The following PPP2R5C variants were observed in gnomAD, a reference collection of about 807,000 sequenced individuals.
The protein encoded by PPP2R5C is protein phosphatase 2 regulatory subunit B'gamma, also known as serine/threonine-protein phosphatase 2A 56 kDa regulatory subunit gamma isoform.
Under a neutral mutation model 68.9 loss-of-function variants are expected in PPP2R5C, and 7 were observed. That is an observed-to-expected ratio of 0.10 (90% CI 0.06 to 0.19). The LOEUF is 0.19. PPP2R5C is among the 10% of genes least tolerant of loss of function. PPP2R5C has a pLI of 1.00. For synonymous variants in PPP2R5C, 210 were observed against 222.2 expected, an observed-to-expected ratio of 0.95 and a Z score of 0.49; for missense variants, 348 against 641.3, an observed-to-expected ratio of 0.54 and a Z score of 4.94.
intron 2 of PPP2R5C, among the ~76,000 whole-genome samples, chr14:101,764,037 G>A (rs1047309859): frequency 3.0e-4 from 45 of 151,930 alleles, no homozygotes; most frequent in Non-Finnish European, 6.2e-4. Context: ...GTGGGCGCGC[G>A]CACTTGCGCG....
intron 1 of PPP2R5C, 93 bp from the exon 4 acceptor site, chr14:101,856,593 C>T: frequency 8.3e-7 from 1 of 1,201,648 alleles, no homozygotes; most frequent in Non-Finnish European, 1.2e-6. Flanking sequence ...AATCTCTATT[C>T]AAAATAAAAA....
At chr14:101,778,249 C>G (rs1470202970) in intron 2 of PPP2R5C, among the ~76,000 whole-genome samples, 2 of 152,086 alleles carry the variant, frequency 1.3e-5, no homozygotes, top group Non-Finnish European at 2.9e-5. Flanking sequence ...AAGTCCTTTG[C>G]CCATTTTTTA....
chr14:101,824,414 G>GA (rs544671924), intron 1 of PPP2R5C: 190 of 194,364 alleles, frequency 9.8e-4, no homozygotes, highest in East Asian at 2.5e-3. Context: ...ACAATGTAGT[G>GA]AAAAAAAAAC....
chr14:101,922,600 A>G (rs1871340), intron 13 of PPP2R5C, among the ~76,000 whole-genome samples: 50,453 of 151,372 alleles, frequency 0.33, 12,547 homozygotes, highest in African/African-American at 0.71. Context: ...AATTGCTCGA[A>G]GCCAGGAGTT....
chr14:101,870,306 C>T (rs1024399446), intron 2 of PPP2R5C, among the ~76,000 whole-genome samples: 1 of 152,030 alleles, frequency 6.6e-6, no homozygotes, highest in Non-Finnish European at 1.5e-5. Context: ...GATTTTTCTC[C>T]TATATTTTCT....
At chr14:101,802,678 G>A (rs1490941268) in intron 3 of PPP2R5C, among the ~76,000 whole-genome samples, 1 of 152,020 alleles carries the variant, frequency 6.6e-6, no homozygotes, top group Non-Finnish European at 1.5e-5. Flanking sequence ...CAGTCAACAA[G>A]AAAAGGCAGG....
intron 2 of PPP2R5C, among the ~76,000 whole-genome samples, chr14:101,785,340 G>T (rs1409303483): frequency 6.6e-6 from 1 of 152,134 alleles, no homozygotes; most frequent in Non-Finnish European, 1.5e-5. Flanking sequence ...TACCGTTCTG[G>T]CATGTAGGTC....
At chr14:101,848,959 CT>C (rs1429519487) in intron 1 of PPP2R5C, among the ~76,000 whole-genome samples, 1 of 152,174 alleles carries the variant, frequency 6.6e-6, no homozygotes, top group Non-Finnish European at 1.5e-5. Context: ...TAAAAGCCCC[CT>C]GTAAGTCTTT....
chr14:101,886,911 G>A (rs2044560267), intron 5 of PPP2R5C, among the ~76,000 whole-genome samples: 1 of 152,014 alleles, frequency 6.6e-6, no homozygotes, highest in Admixed American at 6.6e-5. Context: ...TAAAATTTTT[G>A]TAGAGATGGA....
chr14:101,807,732 G>T (rs1039101873), upstream of PPP2R5C, among the ~76,000 whole-genome samples: 1 of 151,954 alleles, frequency 6.6e-6, no homozygotes, highest in African/African-American at 2.4e-5. Context: ...CTACTTACAT[G>T]CATAGGGTTT....
intron 1 of PPP2R5C, chr14:101,824,390 T>G: frequency 3.6e-6 from 1 of 275,616 alleles, no homozygotes; most frequent in Non-Finnish European, 7.2e-6. Context: ...ATGTGTACAA[T>G]TGAAGTGATG....
In PPP2R5C at chr14:101,913,188, G is replaced by A. The variant is rs2046487000; in HGVS notation, c.1326+715G>A. 6.6e-6 allele frequency among the ~76,000 whole-genome samples: 1 copy of A among 152,174 alleles called. No individual in the cohort carries two copies. The highest frequency in any genetic ancestry group is 2.4e-5 in the African/African-American group (1 of 41,426). ...GTTCTGTGTGCCTGATTATAACAGT[G>A]CCTCTTAAAAAGAAAATCTTTTTCA... On this transcript the variant is annotated intron_variant, in intron 12 of 13. Transcript: ENST00000334743. This position sits in a 1 kb window ranked among gnomAD's most constrained non-coding sequence, Gnocchi z 4.1.
At chr14:101,922,662 A>G (rs2047076498) in intron 13 of PPP2R5C, among the ~76,000 whole-genome samples, 1 of 151,468 alleles carries the variant, frequency 6.6e-6, no homozygotes, top group Middle Eastern at 3.4e-3. Context: ...AAAAGAAAAA[A>G]AAAAAAAATA....
chr14:101,797,391 C>T lies in PPP2R5C; in HGVS notation c.259+11208C>T, dbSNP rs1285527409. ...GAGTTAACAGTTGCGTGCTTGTCTG[C>T]CTGTGTCATCCATTCGAGCATCTGC... On this transcript the variant is annotated intron_variant, in intron 3 of 14. Transcript: ENST00000328724. This position sits in a 1 kb window ranked among gnomAD's most constrained non-coding sequence, Gnocchi z 4.2. The T allele has an allele frequency of 4.7e-6, 2 of 429,522 alleles. No individual in the cohort carries two copies. The highest frequency in any genetic ancestry group is 4.8e-6 in the Non-Finnish European group (1 of 209,680). 26.6% of individuals were successfully genotyped at this position (429,522 alleles called of 1,614,324 possible). A position where few individuals can be genotyped will look rare whatever the true frequency, so the allele number is the denominator to read the frequency against.
Position 101,797,079 on chromosome 14 carries a change from G to A in PPP2R5C, c.259+10896G>A, listed in dbSNP as rs2038646404. On this transcript the variant is annotated intron_variant, in intron 3 of 14. Coordinates refer to the PPP2R5C transcript ENST00000328724. This position sits in a 1 kb window ranked among gnomAD's most constrained non-coding sequence, Gnocchi z 4.2. ...TCCCCAACAAAAACTCCATTAAACA[G>A]TAAGTGGCTGTCTCCCCATTCTGCT... 1 of 447,828 alleles carries A rather than the reference G, an allele frequency of 2.2e-6. No homozygotes were observed. The highest frequency in any genetic ancestry group is 1.6e-5 in the South Asian group (1 of 63,870). 27.7% of individuals were successfully genotyped at this position (447,828 alleles called of 1,614,324 possible). A position where few individuals can be genotyped will look rare whatever the true frequency, so the allele number is the denominator to read the frequency against.
At chr14:101,775,925 G>A (rs969138499) in intron 2 of PPP2R5C, among the ~76,000 whole-genome samples, 1 of 152,010 alleles carries the variant, frequency 6.6e-6, no homozygotes, top group East Asian at 1.9e-4. Context: ...TCTGTTCAGT[G>A]GAGAGGCTCT....
At chr14:101,850,484 A>C (rs2042089832) in intron 1 of PPP2R5C, among the ~76,000 whole-genome samples, 2 of 152,250 alleles carry the variant, frequency 1.3e-5, no homozygotes, top group South Asian at 4.1e-4. Flanking sequence ...TTTAAAGAGA[A>C]CTTGAGTAAT....
chr14:101,812,143 T>A (rs1427018975), intron 1 of PPP2R5C, among the ~76,000 whole-genome samples: 3 of 152,172 alleles, frequency 2.0e-5, no homozygotes, highest in Non-Finnish European at 4.4e-5. Flanking sequence ...TTAGCAAAAT[T>A]TGATTTATTT....
At chr14:101,813,493 C>CAT (rs1859112205) in intron 1 of PPP2R5C, among the ~76,000 whole-genome samples, 1 of 152,218 alleles carries the variant, frequency 6.6e-6, no homozygotes, top group Non-Finnish European at 1.5e-5. Flanking sequence ...TGCAGGCCTT[C>CAT]AGTCTAGTGC....
Sources: allele counts gnomAD v4.1 joint callset (sites outside exome capture counted in the v4.1 genomes callset), GRCh38; gene constraint gnomAD v4.1.1; non-coding constraint Gnocchi (gnomAD v3.1); transcripts MANE v1.5; gene names NCBI Gene and HGNC (gene_info 2026-07-23, HGNC 2026-07-21).